Variants in PRSS54 observed in about 807,000 individuals in gnomAD.
PRSS54 encodes the protein inactive serine protease 54.
PRSS54 carries 16 observed loss-of-function variants against 19.9 expected under a neutral mutation model. The observed-to-expected ratio is 0.80, with a 90% CI of 0.54 to 1.22. The LOEUF (loss-of-function observed/expected upper bound fraction) is 1.22, where lower values mean the gene tolerates loss of function less well. Ranked by LOEUF, PRSS54 falls within the 50% of genes most tolerant of loss-of-function variation. PRSS54 has a pLI of 0.00. For missense variants in PRSS54, 444 were observed against 494.8 expected, an observed-to-expected ratio of 0.90 and a Z score of 0.97; for synonymous variants, 177 against 195.8, an observed-to-expected ratio of 0.90 and a Z score of 0.80.
Position 58,293,572 on chromosome 16 carries a change from C to T in PRSS54, c.85+160G>A. On this transcript the variant is annotated intron_variant, in intron 3 of 6. Coordinates refer to ENST00000567164, the MANE Select transcript of PRSS54 (RefSeq NM_001305173.2). ...CACGTCCCATGATTCACTTCTTTGC[C>T]TGGTTCCTGCCACCAATGCAGGCCG... The T allele has an allele frequency of 1.1e-5, 11 of 985,456 alleles. No individual in the cohort carries two copies. The South Asian group carries it at 5.2e-4, about 46-fold the overall frequency. 61.0% of individuals were successfully genotyped at this position (985,456 alleles called of 1,614,324 possible). A position where few individuals can be genotyped will look rare whatever the true frequency, so the allele number is the denominator to read the frequency against.
rs530048458 is a variant in PRSS54, at chr16:58,283,683, C to G, written c.654+907G>C. ...TCTTCACTGTATTTTAACACATTATCTAATTTAAGAAATTGTTAAGATCCC... is the reference window on the plus strand; with the variant it reads ...TCTTCACTGTATTTTAACACATTATGTAATTTAAGAAATTGTTAAGATCCC... On this transcript the variant is annotated intron_variant, in intron 6 of 6. Transcript: ENST00000567164. 3 of 152,264 alleles carry G rather than the reference C, an allele frequency of 2.0e-5. No individual in the cohort carries two copies. The South Asian group carries it at 6.2e-4, about 32-fold the overall frequency. The allele number at this position is 152,264 out of a possible 1,614,324, so 9.4% of individuals were successfully genotyped here. A position where few individuals can be genotyped will look rare whatever the true frequency, so the allele number is the denominator to read the frequency against.
intron 3 of PRSS54, 96 bp from the exon 4 acceptor site, chr16:58,291,232 C>G (rs750709703): frequency 6.9e-5 from 79 of 1,142,884 alleles, no homozygotes; most frequent in Non-Finnish European, 9.2e-5. Flanking sequence ...TAACGCTATC[C>G]GCAACCCCTT....
In PRSS54 at chr16:58,293,785, C is replaced by T. The variant is rs758040068; in HGVS notation, c.32G>A (p.Gly11Asp). The change falls in exon 3 of 7, where the codon GGC becomes GAC. Residue 11 changes from glycine to aspartate, a missense_variant. Gly to Asp is a moderately conservative substitution (Grantham distance 94). Transcript: ENST00000567164. The stretch of plus-strand genomic sequence containing the variant: ...CACCAGGAGCACCCCTCGCATCTTG[C>T]CATCCCCAGAGAGACCCGCCGCGGA... MVSAAGLSGD[G>D]KMRGVLLVLL... 1.9e-6 allele frequency: 3 copies of T among 1,612,806 alleles called. No homozygotes were observed. In the Admixed American group the frequency reaches 5.0e-5, roughly 27 times the overall value.
At chr16:58,288,207 C>T (rs932066294) in intron 4 of PRSS54, among the ~76,000 whole-genome samples, 1 of 152,190 alleles carries the variant, frequency 6.6e-6, no homozygotes, top group Non-Finnish European at 1.5e-5. Flanking sequence ...GGGTGGATCA[C>T]CTGAGACCAG....
intron 2 of PRSS54, 29 bp from the exon 3 acceptor site, chr16:58,293,851 C>A (rs1399649792): frequency 6.3e-7 from 1 of 1,582,202 alleles, no homozygotes; most frequent in South Asian, 1.1e-5. Context: ...ATGACTCCAT[C>A]CTCTTCCCAA....
chr16:58,280,866 A>C, intron 6 of PRSS54, 109 bp from the exon 7 acceptor site: 6 of 1,076,566 alleles, frequency 5.6e-6, no homozygotes, highest in South Asian at 1.8e-5. Flanking sequence ...GCTGGTTCTC[A>C]CTGGAAATGG....
At chr16:58,285,744 A>AAAAAGAAG (rs146167626) in intron 5 of PRSS54, among the ~76,000 whole-genome samples, 193 bp downstream of exon 5, 5 of 77,348 alleles carry the variant, frequency 6.5e-5, no homozygotes, top group East Asian at 3.2e-4. Context: ...AAAAAAAAAA[A>AAAAAGAAG]AAGAAGAAGA....
At chr16:58,286,302 A>C in intron 4 of PRSS54, 107 bp from the exon 5 acceptor site, 16 of 1,201,128 alleles carry the variant, frequency 1.3e-5, no homozygotes, top group Non-Finnish European at 1.8e-5. Context: ...CATCCAGCTC[A>C]TATTTCCTGT....
chr16:58,282,768 G>C (rs542023568), intron 6 of PRSS54: 48 of 152,420 alleles, frequency 3.1e-4, no homozygotes, highest in African/African-American at 1.1e-3. Flanking sequence ...GAATGACGTG[G>C]TTCCCCCTTT....
chr16:58,283,806 T>C (rs1436860788), intron 6 of PRSS54: 1 of 152,246 alleles, frequency 6.6e-6, no homozygotes, highest in East Asian at 1.9e-4. Flanking sequence ...CAGTCCTTCA[T>C]GTTTTGCAAT....
rs1038363579 is a variant in PRSS54 at position 58,284,571 on chromosome 16, T to C, written c.654+19A>G. 2 of 1,613,600 alleles carry C rather than the reference T, an allele frequency of 1.2e-6. No individual in the cohort carries two copies. Among genetic ancestry groups the C allele is most frequent in the Non-Finnish European group, 1.7e-6 (2 of 1,179,712 alleles). ...AGGCTTACTCTCAACACTTAGCTTC[T>C]ACTCCATGATGTTCTTACCAAGCAG... On this transcript the variant is annotated intron_variant, in intron 6 of 6. Coordinates refer to ENST00000567164, the MANE Select transcript of PRSS54 (RefSeq NM_001305173.2).
chr16:58,291,233 G>A, intron 3 of PRSS54, 97 bp from the exon 4 acceptor site: 6 of 1,134,272 alleles, frequency 5.3e-6, no homozygotes, highest in South Asian at 3.1e-5. Context: ...AACGCTATCC[G>A]CAACCCCTTT....
chr16:58,289,158 C>T (rs923007853), intron 4 of PRSS54, among the ~76,000 whole-genome samples: 1 of 149,930 alleles, frequency 6.7e-6, no homozygotes, highest in Non-Finnish European at 1.5e-5. Context: ...TGCACAGGCA[C>T]AGAGGGAAGG....
chr16:58,294,028 G>T lies in PRSS54; in HGVS notation c.-50C>A. 1 of 578,146 alleles carries T rather than the reference G, an allele frequency of 1.7e-6. No individual in the cohort carries two copies. The highest frequency in any genetic ancestry group is 3.1e-6 in the Non-Finnish European group (1 of 322,424). The allele number at this position is 578,146 out of a possible 1,614,324, so 35.8% of individuals were successfully genotyped here. ...TTGGTTCTGTGTGGTAAAGAGGCAG[G>T]ACCAGTTGGCCCGCACTGTGGTTTG... On this transcript the variant is annotated 5_prime_UTR_variant, in exon 2 of 7. Coordinates refer to ENST00000567164, the MANE Select transcript of PRSS54 (RefSeq NM_001305173.2).
At chr16:58,288,039 G>C (rs1964955776) in intron 4 of PRSS54, among the ~76,000 whole-genome samples, 1 of 152,096 alleles carries the variant, frequency 6.6e-6, no homozygotes, top group South Asian at 2.1e-4. Context: ...AGACAGACAG[G>C]ACAACCTCAA....
Position 58,280,621 on chromosome 16 carries a change from A to G in PRSS54, c.791T>C (p.Ile264Thr). Residue 264 changes from isoleucine to threonine, a missense_variant, in exon 7 of 7, where the codon ATC (isoleucine) becomes ACC (threonine). Coordinates refer to ENST00000567164, the MANE Select transcript of PRSS54 (RefSeq NM_001305173.2). ...YTKVEDYSKW[I>T]TSKAERAGPP... ...GCCGGCCCTCTCAGCCTTGGATGTG[A>G]TCCATTTGCTGTAGTCTTCCACCTT... 6.2e-7 allele frequency: 1 copy of G among 1,614,050 alleles called. No individual in the cohort carries two copies. Among genetic ancestry groups the G allele is most frequent in the Non-Finnish European group, 8.5e-7 (1 of 1,179,998 alleles).
At chr16:58,286,759 C>T (rs1390523811) in intron 4 of PRSS54, among the ~76,000 whole-genome samples, 1 of 152,038 alleles carries the variant, frequency 6.6e-6, no homozygotes, top group African/African-American at 2.4e-5. Flanking sequence ...CCAAGAGACG[C>T]TAAAGAATCC....
intron 4 of PRSS54, among the ~76,000 whole-genome samples, chr16:58,287,954 T>C (rs1964953868): frequency 6.6e-6 from 1 of 152,200 alleles, no homozygotes; most frequent in East Asian, 1.9e-4. Context: ...ATTTTATATA[T>C]TGAATTATAC....
At chr16:58,284,469 C>CA (rs1443090664) in intron 6 of PRSS54, 121 bp downstream of exon 6, 18 of 1,108,378 alleles carry the variant, frequency 1.6e-5, no homozygotes, top group Admixed American at 2.0e-5. Flanking sequence ...CAGAGACAGC[C>CA]ACTCATCCCA....
Sources: allele counts gnomAD v4.1 joint callset (sites outside exome capture counted in the v4.1 genomes callset), GRCh38; gene constraint gnomAD v4.1.1; transcripts MANE v1.5; gene names NCBI Gene and HGNC (gene_info 2026-07-23, HGNC 2026-07-21).